The following NUP210L variants were observed in gnomAD, a reference collection of about 807,000 sequenced individuals.
NUP210L encodes nucleoporin 210 like.
Under a neutral mutation model 208.5 loss-of-function variants are expected in NUP210L, and 74 were observed. The ratio of observed to expected loss-of-function variants is 0.35; its 90% CI spans 0.29 to 0.43. The LOEUF (loss-of-function observed/expected upper bound fraction) is 0.43, where lower values mean the gene tolerates loss of function less well. NUP210L is among the 20% of genes least tolerant of loss of function. NUP210L has a pLI of 1.00. For missense variants in NUP210L, 1,843 were observed against 2,289.4 expected, an observed-to-expected ratio of 0.81 and a Z score of 3.98; for synonymous variants, 780 against 816.9, an observed-to-expected ratio of 0.95 and a Z score of 0.77.
At chr1:154,100,902 G>A (rs1422542398) in intron 13 of NUP210L, among the ~76,000 whole-genome samples, 3 of 152,104 alleles carry the variant, frequency 2.0e-5, no homozygotes, top group South Asian at 2.1e-4. Flanking sequence ...GCCAGGCACA[G>A]TGGCTCATGC....
rs6701341 is a variant in NUP210L at position 154,002,145 on chromosome 1, C to T, written c.4931-160G>A. Among the ~76,000 whole-genome samples the T allele has an allele frequency of 0.28, 42,264 of 152,028 alleles. 6,307 individuals are homozygous for T. Among genetic ancestry groups the T allele is most frequent in the Admixed American group, 0.39 (5,990 of 15,256 alleles). Reference sequence around the variant, plus strand: ...AATATCAGCACAATATTGGCCACTACGAGGAGGATGCCAAATAAAAAGAAA... The same window carrying T: ...AATATCAGCACAATATTGGCCACTATGAGGAGGATGCCAAATAAAAAGAAA... On this transcript the variant is annotated intron_variant, in intron 35 of 39. Transcript: ENST00000368559.
At chr1:154,005,809 C>T (rs570122353) in intron 35 of NUP210L, among the ~76,000 whole-genome samples, 120 of 149,280 alleles carry the variant, frequency 8.0e-4, no homozygotes, top group Non-Finnish European at 1.2e-3. Context: ...CTGCAATCTC[C>T]GCCTCCCGGG....
intron 7 of NUP210L, among the ~76,000 whole-genome samples, chr1:154,134,762 T>TTTTGC (rs1164929237): frequency 8.3e-6 from 1 of 120,026 alleles, no homozygotes; most frequent in East Asian, 2.4e-4. Context: ...AAAGATGGAG[T>TTTTGC]TTTGCTCTTG....
At chr1:154,017,474 A>G (rs1214194509) in intron 33 of NUP210L, among the ~76,000 whole-genome samples, 3 of 149,784 alleles carry the variant, frequency 2.0e-5, no homozygotes, top group African/African-American at 7.4e-5. Context: ...CAGGATACAC[A>G]TATCTCTAGA....
chr1:154,149,599 C>T (rs1251923373), intron 2 of NUP210L, among the ~76,000 whole-genome samples: 1 of 152,120 alleles, frequency 6.6e-6, no homozygotes, highest in Non-Finnish European at 1.5e-5. Context: ...GTCCCAGCTA[C>T]TCAGGAGGCT....
At chr1:153,996,413 C>G (rs956057206) in intron 37 of NUP210L, among the ~76,000 whole-genome samples, 11 of 152,164 alleles carry the variant, frequency 7.2e-5, no homozygotes, top group Admixed American at 5.2e-4. Context: ...ATTGTAATCT[C>G]TATCTTGAAA....
Position 154,152,876 on chromosome 1 carries a change from C to T in NUP210L, c.204-4G>A. The stretch of plus-strand genomic sequence containing the variant: ...TGCATCATGATGGGTGGAATGCCTG[C>T]CAGAACAAAATTCTTAAGAGTGTGA... On this transcript the variant is annotated splice_polypyrimidine_tract_variant and splice_region_variant and intron_variant, in intron 1 of 39. Coordinates refer to ENST00000368559, the Ensembl canonical transcript of NUP210L. 6.2e-7 allele frequency: 1 copy of T among 1,613,636 alleles called. No individual in the cohort carries two copies. The highest frequency in any genetic ancestry group is 8.5e-7 in the Non-Finnish European group (1 of 1,179,676).
At chr1:154,086,811 T>C (rs1219184840) in intron 16 of NUP210L, among the ~76,000 whole-genome samples, 1 of 151,284 alleles carries the variant, frequency 6.6e-6, no homozygotes, top group Non-Finnish European at 1.5e-5. Flanking sequence ...TGAGACCCTG[T>C]GTCTTAAAAA....
intron 10 of NUP210L, among the ~76,000 whole-genome samples, chr1:154,123,394 C>T (rs891680769): frequency 6.6e-6 from 1 of 152,088 alleles, no homozygotes; most frequent in Non-Finnish European, 1.5e-5. Flanking sequence ...GATCCACCCG[C>T]CTGGGCCTTC....
chr1:154,058,559 T>C lies in NUP210L; in HGVS notation c.2979+6A>G. 6.2e-7 allele frequency: 1 copy of C among 1,610,314 alleles called. No individual in the cohort carries two copies. Among genetic ancestry groups the C allele is most frequent in the Non-Finnish European group, 8.5e-7 (1 of 1,178,922 alleles). ...TAATTTCTGAGATAAAACAAACATG[T>C]CTCACCTTATCAATCAGATCAAGCT... is the stretch of plus-strand genomic sequence containing the variant. On this transcript the variant is annotated splice_donor_region_variant and intron_variant, in intron 21 of 39. Transcript: ENST00000368559.
At chr1:154,050,838 T>A (rs1192190003) in intron 25 of NUP210L, among the ~76,000 whole-genome samples, 1 of 152,328 alleles carries the variant, frequency 6.6e-6, no homozygotes. Context: ...CACAGTTGGG[T>A]CTAATAATGG....
chr1:154,125,440 A>C (rs982644622), intron 10 of NUP210L, among the ~76,000 whole-genome samples: 2 of 150,070 alleles, frequency 1.3e-5, no homozygotes, highest in African/African-American at 4.9e-5. Flanking sequence ...ACAGAGTGAG[A>C]CTCTGCCTCG....
At chr1:154,028,157 T>C (rs1012612960) in intron 28 of NUP210L, among the ~76,000 whole-genome samples, 6 of 152,176 alleles carry the variant, frequency 3.9e-5, no homozygotes, top group African/African-American at 1.4e-4. Flanking sequence ...ATATAAGTGA[T>C]AATTTGTTTT....
chr1:153,993,983 A>C (rs4845359), intron 38 of NUP210L, among the ~76,000 whole-genome samples: 147,909 of 152,264 alleles, frequency 0.97, 71,867 homozygotes, highest in East Asian at 1. Context: ...CTGTCTCAAG[A>C]AATCCTGCCT....
intron 16 of NUP210L, among the ~76,000 whole-genome samples, chr1:154,076,099 CTTCTT>C (rs1230240406): frequency 7.8e-6 from 1 of 127,520 alleles, no homozygotes; most frequent in Non-Finnish European, 1.7e-5. Flanking sequence ...CAGACAAAGA[CTTCTT>C]TTTTTTTTTT....
At chr1:154,135,430 T>C (rs1312163328) in intron 7 of NUP210L, among the ~76,000 whole-genome samples, 1 of 152,070 alleles carries the variant, frequency 6.6e-6, no homozygotes, top group Non-Finnish European at 1.5e-5. Context: ...ATAATCTTTT[T>C]TTTTTTTTTG....
exon 37 of NUP210L, chr1:154,000,913 G>A (rs769559025): frequency 1.2e-6 from 2 of 1,614,120 alleles, no homozygotes; most frequent in East Asian, 2.2e-5. Flanking sequence ...TGACTGGTGA[G>A]TACACAGGAA....
At chr1:154,007,254 G>A (rs541211317) in intron 35 of NUP210L, among the ~76,000 whole-genome samples, 8 of 130,248 alleles carry the variant, frequency 6.1e-5, no homozygotes, top group East Asian at 5.7e-4. Context: ...TAGCTACTGC[G>A]CCGGGCTTAT....
chr1:154,030,120 C>A, intron 27 of NUP210L, 66 bp from the exon 28 acceptor site: 6 of 1,145,220 alleles, frequency 5.2e-6, no homozygotes, highest in South Asian at 2.2e-5. Context: ...CTTTTTTTTT[C>A]ACTTTTTTAA....
Sources: allele counts gnomAD v4.1 joint callset (sites outside exome capture counted in the v4.1 genomes callset), GRCh38; gene constraint gnomAD v4.1.1; transcripts MANE v1.5; gene names NCBI Gene and HGNC (gene_info 2026-07-23, HGNC 2026-07-21).